Variants in GSG1L observed in about 807,000 individuals in gnomAD.
GSG1L encodes germ cell-specific gene 1-like protein.
GSG1L carries 24 observed loss-of-function variants against 42.1 expected under a neutral mutation model. That is an observed-to-expected ratio of 0.57 (90% CI 0.41 to 0.80). The LOEUF is 0.80. Among genes scored for constraint, GSG1L ranks in the 30% least tolerant of loss-of-function variants. The probability of loss-of-function intolerance (pLI) is 0.00; values close to 1 mark genes in which losing one functional copy is unlikely to be tolerated. For missense variants in GSG1L, 445 were observed against 472.2 expected (o/e 0.94, Z 0.53); for synonymous variants, 215 against 203.5 (o/e 1.06, Z -0.48).
chr16:27,943,621 C>T (rs13380779), intron 2 of GSG1L, among the ~76,000 whole-genome samples: 1 of 114,460 alleles, frequency 8.7e-6, no homozygotes, highest in Admixed American at 1.3e-4. Flanking sequence ...GTCACCCAGA[C>T]TGAAGTGGAA....
intron 2 of GSG1L, among the ~76,000 whole-genome samples, chr16:27,929,386 G>T (rs1406819116): frequency 6.6e-6 from 1 of 152,176 alleles, no homozygotes; most frequent in African/African-American, 2.4e-5. Flanking sequence ...AAAGACAGTG[G>T]TTGATTCAAG....
chr16:27,967,225 T>C (rs898069535), intron 1 of GSG1L, among the ~76,000 whole-genome samples: 8 of 152,226 alleles, frequency 5.3e-5, no homozygotes, highest in Non-Finnish European at 1.0e-4. Flanking sequence ...TGAAGCCCCT[T>C]TGGCCTCCTG....
chr16:28,017,687 A>G (rs1428282634), intron 1 of GSG1L, among the ~76,000 whole-genome samples: 1 of 152,226 alleles, frequency 6.6e-6, no homozygotes, highest in African/African-American at 2.4e-5. Flanking sequence ...CAAACTCAAA[A>G]ACATACCGTA....
chr16:27,822,571 C>T (rs1394522206), intron 5 of GSG1L, among the ~76,000 whole-genome samples: 4 of 152,110 alleles, frequency 2.6e-5, no homozygotes, highest in Non-Finnish European at 5.9e-5. Flanking sequence ...GCACATGCCA[C>T]CACACCCAGC....
intron 2 of GSG1L, among the ~76,000 whole-genome samples, chr16:27,937,879 C>T (rs760833004): frequency 6.6e-6 from 1 of 152,130 alleles, no homozygotes; most frequent in Non-Finnish European, 1.5e-5. Context: ...CAGGGGTCTT[C>T]CCTTGACGCC....
At chr16:27,831,780 A>C (rs1488109811) in intron 4 of GSG1L, among the ~76,000 whole-genome samples, 1 of 152,142 alleles carries the variant, frequency 6.6e-6, no homozygotes, top group Non-Finnish European at 1.5e-5. Context: ...CTTTACATGC[A>C]AGATCTTTTT....
intron 1 of GSG1L, among the ~76,000 whole-genome samples, chr16:28,047,708 A>G (rs1304336839): frequency 1.3e-5 from 2 of 152,370 alleles, no homozygotes; most frequent in African/African-American, 4.8e-5. Context: ...GGGGGAAAAT[A>G]GCCATTTTAT....
chr16:27,807,303 G>C (rs2082976744), intron 6 of GSG1L, among the ~76,000 whole-genome samples, 184 bp downstream of exon 6: 1 of 152,166 alleles, frequency 6.6e-6, no homozygotes, highest in African/African-American at 2.4e-5. Context: ...CCTGTGGGGA[G>C]AGCTGCGTGC....
At chr16:28,043,656 G>A (rs1198217995) in intron 1 of GSG1L, among the ~76,000 whole-genome samples, 3 of 152,238 alleles carry the variant, frequency 2.0e-5, no homozygotes, top group African/African-American at 7.2e-5. Context: ...AACATCAAAT[G>A]CTGGCAAGCA....
chr16:27,902,129 T>C (rs1484595338), intron 2 of GSG1L, among the ~76,000 whole-genome samples: 1 of 152,206 alleles, frequency 6.6e-6, no homozygotes, highest in Non-Finnish European at 1.5e-5. Flanking sequence ...CAGGATGTTG[T>C]CTGTCTGTCC....
intron 5 of GSG1L, among the ~76,000 whole-genome samples, chr16:27,808,383 A>G (rs753031950): frequency 1.9e-4 from 29 of 151,520 alleles, no homozygotes; most frequent in Non-Finnish European, 1.0e-4. Context: ...CACTGTGCTC[A>G]GCTCTGGGAA....
At chr16:27,826,623 T>C (rs1190015764) in intron 5 of GSG1L, among the ~76,000 whole-genome samples, 1 of 152,126 alleles carries the variant, frequency 6.6e-6, no homozygotes, top group African/African-American at 2.4e-5. Flanking sequence ...TGATCCCTGC[T>C]AAGGGCACCT....
intron 1 of GSG1L, among the ~76,000 whole-genome samples, chr16:27,988,697 T>A (rs11643598): frequency 0.45 from 67,186 of 150,760 alleles, 17,273 homozygotes; most frequent in East Asian, 0.76. Flanking sequence ...AGAATTTATG[T>A]CATATTAATA....
At chr16:27,823,772 C>G in intron 5 of GSG1L, 1 of 687,768 alleles carries the variant, frequency 1.5e-6, no homozygotes, top group Non-Finnish European at 2.7e-6. Context: ...AGCTCAATAC[C>G]CAGCAGAGAT....
intron 5 of GSG1L, chr16:27,823,779 A>G (rs2083175373): frequency 1.4e-6 from 1 of 691,872 alleles, no homozygotes; most frequent in East Asian, 2.7e-5. Context: ...TACCCAGCAG[A>G]GATAATTGAT....
intron 3 of GSG1L, among the ~76,000 whole-genome samples, chr16:27,868,555 C>T (rs1396755278): frequency 6.6e-6 from 1 of 151,746 alleles, no homozygotes; most frequent in East Asian, 1.9e-4. Flanking sequence ...ACTGGCACCC[C>T]ATGGGCTGAA....
At position 28,059,158 on chromosome 16, in the gene GSG1L, C is replaced by T. The variant is rs1319759461; in HGVS notation, c.349+3918G>A. Among the ~76,000 whole-genome samples the T allele has an allele frequency of 6.6e-6, 1 of 152,198 alleles. No individual in the cohort carries two copies. The highest frequency in any genetic ancestry group is 2.4e-5 in the African/African-American group (1 of 41,442). ...CGGGTGCTAGCTGCTCTGATCCCCACCTACACAGTAGCCCTGGGAGTTTCC... is the reference window on the plus strand; with the variant it reads ...CGGGTGCTAGCTGCTCTGATCCCCATCTACACAGTAGCCCTGGGAGTTTCC... On this transcript the variant is annotated intron_variant, in intron 1 of 6. Coordinates refer to ENST00000447459, the MANE Select transcript of GSG1L (RefSeq NM_001109763.2). The surrounding 1 kb of genome is among the most constrained non-coding windows in gnomAD (Gnocchi z 4.4).
chr16:28,027,443 G>A (rs1021785664), intron 1 of GSG1L, among the ~76,000 whole-genome samples: 3 of 152,160 alleles, frequency 2.0e-5, no homozygotes, highest in Admixed American at 6.5e-5. Flanking sequence ...GAGGGGCCAC[G>A]TTAATTTCCA....
chr16:27,883,647 T>C (rs2083989924), intron 3 of GSG1L, among the ~76,000 whole-genome samples: 2 of 152,196 alleles, frequency 1.3e-5, no homozygotes, highest in African/African-American at 2.4e-5. Flanking sequence ...TTTATAGAAA[T>C]TCAATTTACA....
Sources: gnomAD v4.1 joint callset for allele counts (sites outside exome capture counted in the v4.1 genomes callset) on GRCh38, gnomAD v4.1.1 for gene constraint, Gnocchi (gnomAD v3.1) non-coding constraint, MANE v1.5 for transcripts, NCBI Gene and HGNC (gene_info 2026-07-23, HGNC 2026-07-21) for gene names.